DCHS1: variants seen among roughly 807,000 people sequenced by gnomAD.
DCHS1 encodes protocadherin-16.
A neutral mutation model predicts 213.9 loss-of-function variants in DCHS1; 78 were observed. The ratio of observed to expected loss-of-function variants is 0.36; its 90% CI spans 0.30 to 0.44. DCHS1 has a LOEUF of 0.44. Ranked by LOEUF, DCHS1 falls within the 20% of genes least tolerant of loss-of-function variation. The pLI, the probability that DCHS1 is intolerant of heterozygous loss-of-function variation, is 1.00. For missense variants in DCHS1, 3,946 were observed against 4,395.9 expected, an observed-to-expected ratio of 0.90 and a Z score of 2.89; for synonymous variants, 1,828 against 1,873.7, an observed-to-expected ratio of 0.98 and a Z score of 0.63.
rs1439497838 is a variant in DCHS1, at chr11:6,632,083, G to A, written c.3429C>T (p.Ser1143=). The part of the protein sequence containing the change: ...DSGPNGRLTY[S]LQQLSEDSKA... ...TGCTGTCTTCAGACAGCTGTTGCAG[G>A]CTGTAGGTCAGACGTCCATTGGGTC... is the stretch of plus-strand genomic sequence containing the variant. The change falls in exon 6 of 21, where the codon AGC becomes AGT. Residue 1143 remains serine (S), a synonymous_variant. Coordinates refer to ENST00000299441, the MANE Select transcript of DCHS1 (RefSeq NM_003737.4). This position sits in a 1 kb window ranked among gnomAD's most constrained non-coding sequence, Gnocchi z 5.9. The A allele has an allele frequency of 2.6e-6, 4 of 1,538,116 alleles. No individual in the cohort carries two copies. The African/African-American group carries it at 4.1e-5, about 16-fold the overall frequency.
Position 6,627,775 on chromosome 11 carries a change from T to G in DCHS1, c.5372-108A>C. 2 of 1,220,458 alleles carry G rather than the reference T, an allele frequency of 1.6e-6. No homozygotes were observed. The highest frequency in any genetic ancestry group is 1.6e-5 in the South Asian group (1 of 62,672). The allele number at this position is 1,220,458 out of a possible 1,614,324, so 75.6% of individuals were successfully genotyped here. On this transcript the variant is annotated intron_variant, in intron 13 of 20. Transcript: ENST00000299441. The surrounding 1 kb of genome is among the most constrained non-coding windows in gnomAD (Gnocchi z 5.4). Reference sequence around the variant, plus strand: ...TGTGCACAAAAGCAAGTGAACCTTATGAGAGAAAGGAAGAAAAACAGAAAC... The same window carrying G: ...TGTGCACAAAAGCAAGTGAACCTTAGGAGAGAAAGGAAGAAAAACAGAAAC...
intron 2 of DCHS1, 114 bp from the exon 3 acceptor site, chr11:6,634,420 G>A (rs1309245534): frequency 2.3e-5 from 29 of 1,247,034 alleles, no homozygotes; most frequent in Non-Finnish European, 3.0e-5. Flanking sequence ...GACACACAGA[G>A]AGGACTAGTA....
Position 6,624,346 on chromosome 11 carries a change from C to T in DCHS1, c.7330G>A (p.Gly2444Arg), listed in dbSNP as rs750612557. 3 of 1,579,194 alleles carry T rather than the reference C, an allele frequency of 1.9e-6. No homozygotes were observed. Among genetic ancestry groups the T allele is most frequent in the East Asian group, 2.3e-5 (1 of 42,986 alleles). Residue 2444 changes from glycine (G) to arginine (R), a missense_variant, in exon 21 of 21, where the codon GGG (glycine) becomes AGG (arginine). Physicochemically the swap from Gly to Arg is moderately radical, Grantham distance 125. Around this residue, in one of 3 missense-constraint regions of DCHS1, gnomAD observed 3,384 missense variants for 3,780.1 expected, o/e 0.90. Coordinates refer to ENST00000299441, the MANE Select transcript of DCHS1 (RefSeq NM_003737.4). Reference protein sequence around the residue: ...IVGTVALGHDGSGAVDVVLEA... With the variant: ...IVGTVALGHDRSGAVDVVLEA... Reference sequence around the variant, plus strand: ...AGCACCACATCCACTGCTCCTGACCCGTCATGGCCCAAGGCCACTGTTCCC... The same window carrying T: ...AGCACCACATCCACTGCTCCTGACCTGTCATGGCCCAAGGCCACTGTTCCC...
At position 6,631,628 on chromosome 11, in the gene DCHS1, G is replaced by C. The variant is rs751966019; in HGVS notation, c.3663C>G (p.Gly1221=). The C allele has an allele frequency of 8.9e-6, 14 of 1,577,178 alleles. No individual in the cohort carries two copies. The highest frequency in any genetic ancestry group is 2.7e-5 in the African/African-American group (2 of 74,038). The change falls in exon 7 of 21, where the codon GGC becomes GGG. Residue 1221 remains glycine (G), a synonymous_variant. Transcript: ENST00000299441. The part of the protein sequence containing the change: ...FLQASGAAGG[G]LPIQVPDRVP... ...CCACTTCACATACCTGTATAGGGAG[G>C]CCCCCACCAGCAGCTCCTGAAGCCT...
chr11:6,626,697 G>A lies in DCHS1; in HGVS notation c.6251-32C>T, dbSNP rs1855809976. ...AAAGAACGGTATTGTTGGACTGTGAGCGCGAGACTGGGAGAGTTTGGGGGA... is the reference window on the plus strand; with the variant it reads ...AAAGAACGGTATTGTTGGACTGTGAACGCGAGACTGGGAGAGTTTGGGGGA... On this transcript the variant is annotated intron_variant, in intron 14 of 20. Transcript: ENST00000299441. The surrounding 1 kb of genome is among the most constrained non-coding windows in gnomAD (Gnocchi z 5.2). The A allele has an allele frequency of 6.2e-7, 1 of 1,612,606 alleles. No individual in the cohort carries two copies. Among genetic ancestry groups the A allele is most frequent in the African/African-American group, 1.3e-5 (1 of 74,920 alleles).
chr11:6,624,485 G>T, intron 20 of DCHS1, 95 bp from the exon 21 acceptor site: 1 of 1,401,122 alleles, frequency 7.1e-7, no homozygotes, highest in Non-Finnish European at 9.5e-7. Context: ...GGTTTTGGAA[G>T]TCAGACTCAG....
chr11:6,633,989 A>G lies in DCHS1; in HGVS notation c.2018T>C (p.Val673Ala). The G allele has an allele frequency of 6.2e-7, 1 of 1,613,970 alleles. No homozygotes were observed. Among genetic ancestry groups the G allele is most frequent in the Non-Finnish European group, 8.5e-7 (1 of 1,179,876 alleles). ...GTTGTCATTCTCGTCTGACAGAAAC[A>G]CCTTCACATATACCATGGACTTGAG... Reference protein sequence around the residue: ...GGLKSMVYVKVFLSDENDNPP... With the variant: ...GGLKSMVYVKAFLSDENDNPP... The change falls in exon 4 of 21, where the codon GTG becomes GCG. Residue 673 changes from valine (V) to alanine (A), a missense_variant. Physicochemically the swap from Val to Ala is moderately conservative, Grantham distance 64. Coordinates refer to ENST00000299441, the MANE Select transcript of DCHS1 (RefSeq NM_003737.4).
chr11:6,633,759 G>GT (rs1564866221), intron 4 of DCHS1, 30 bp downstream of exon 4: 2 of 1,605,756 alleles, frequency 1.2e-6, no homozygotes, highest in Non-Finnish European at 1.7e-6. Context: ...GGGACCTGGG[G>GT]GAAGGCCCCG....
In DCHS1 at chr11:6,628,652, T is replaced by TCCC; in HGVS notation, c.5337_5339dup (p.Gly1780dup). On this transcript the variant is annotated inframe_insertion, in exon 13 of 21. Transcript: ENST00000299441. The surrounding 1 kb of genome is among the most constrained non-coding windows in gnomAD (Gnocchi z 4.3). ...TGCGGTACTGCAACTGCCCATTGGC[T>TCCC]CCCACATCTGGATCAGAGGCCCGAA... The TCCC allele has an allele frequency of 1.2e-6, 2 of 1,614,020 alleles. No individual in the cohort carries two copies. The highest frequency in any genetic ancestry group is 2.2e-5 in the South Asian group (2 of 91,082).
chr11:6,623,110 A>T lies in DCHS1; in HGVS notation c.8566T>A (p.Ser2856Thr), dbSNP rs1263277173. 7.5e-6 allele frequency: 12 copies of T among 1,604,918 alleles called. No homozygotes were observed. Among genetic ancestry groups the T allele is most frequent in the African/African-American group, 1.3e-5 (1 of 74,752 alleles). Reference sequence around the variant, plus strand: ...GTCTGGTTAATACCAAAATAGGGGGAAGAGGTGGCAAGGGAATACAGAACC... The same window carrying T: ...GTCTGGTTAATACCAAAATAGGGGGTAGAGGTGGCAAGGGAATACAGAACC... ...GLVLYSLATS[S>T]PYFGINQTTG... Residue 2856 changes from serine (S) to threonine (T), a missense_variant, in exon 21 of 21, where the codon TCC (serine) becomes ACC (threonine). Physicochemically the swap from Ser to Thr is moderately conservative, Grantham distance 58 (BLOSUM62 1). Coordinates refer to ENST00000299441, the MANE Select transcript of DCHS1 (RefSeq NM_003737.4).
intron 1 of DCHS1, among the ~76,000 whole-genome samples, chr11:6,650,861 A>G (rs1228413056): frequency 6.6e-6 from 1 of 152,184 alleles, no homozygotes; most frequent in Admixed American, 6.5e-5. Flanking sequence ...AAGTACAGAT[A>G]AGGGAGAGGA....
rs1564863403 is a variant in DCHS1 at position 6,630,044 on chromosome 11, G to T, written c.4750C>A (p.Leu1584Met). The T allele has an allele frequency of 6.4e-7, 1 of 1,559,748 alleles. No homozygotes were observed. Residue 1584 changes from leucine to methionine, a missense_variant, in exon 10 of 21, where the codon CTG (leucine) becomes ATG (methionine). Around this residue, in one of 3 missense-constraint regions of DCHS1, gnomAD observed 3,384 missense variants for 3,780.1 expected, o/e 0.90. Transcript: ENST00000299441. ...AAGTGGCCGTCCCCGCCAGATGCCAGCCGATAGGACACGCGTGCAGCCTCG... is the reference window on the plus strand; with the variant it reads ...AAGTGGCCGTCCCCGCCAGATGCCATCCGATAGGACACGCGTGCAGCCTCG... ...LGEAARVSYR[L>M]ASGGDGHFRL...
chr11:6,624,723 G>A lies in DCHS1; in HGVS notation c.7285+7C>T, dbSNP rs769792980. On this transcript the variant is annotated splice_region_variant and intron_variant, in intron 20 of 20. Transcript: ENST00000299441. ...AAGGCAAGGGGCAGATCCTGGGAAA[G>A]ACGCACCATTGTTGGGGTCAACACT... is the stretch of plus-strand genomic sequence containing the variant. 3 of 1,613,812 alleles carry A rather than the reference G, an allele frequency of 1.9e-6. No individual in the cohort carries two copies. In the East Asian group the frequency reaches 6.7e-5, roughly 36 times the overall value.
chr11:6,654,591 G>C lies in DCHS1; in HGVS notation c.-121+972C>G, dbSNP rs141419804. 8.8e-3 allele frequency among the ~76,000 whole-genome samples: 1,344 copies of C among 152,160 alleles called. 14 individuals are homozygous for C. Among genetic ancestry groups the C allele is most frequent in the African/African-American group, 0.03 (1,258 of 41,478 alleles). ...ATTTTCCGTAGGTGTGTGTTGGCTT[G>C]ATAGAGTCTGCTGTAGGTGTGTGTT... On this transcript the variant is annotated intron_variant, in intron 1 of 20. Coordinates refer to ENST00000299441, the MANE Select transcript of DCHS1 (RefSeq NM_003737.4).
chr11:6,634,057 A>C (rs1855953838), intron 3 of DCHS1, 37 bp from the exon 4 acceptor site: 1 of 1,607,608 alleles, frequency 6.2e-7, no homozygotes, highest in East Asian at 2.2e-5. Context: ...GGTGGGCCTC[A>C]TCTGGCCCTG....
At chr11:6,651,180 C>T (rs1005004303) in intron 1 of DCHS1, among the ~76,000 whole-genome samples, 4 of 152,070 alleles carry the variant, frequency 2.6e-5, no homozygotes, top group South Asian at 4.2e-4. Context: ...ATGACAACAA[C>T]GAAACACAGA....
intron 1 of DCHS1, among the ~76,000 whole-genome samples, chr11:6,645,310 A>G (rs891024223): frequency 6.6e-6 from 1 of 152,208 alleles, no homozygotes; most frequent in East Asian, 1.9e-4. Flanking sequence ...GGATGAGAGT[A>G]CAAGGATGGT....
chr11:6,624,003 TCAAGCAACAC>T lies in DCHS1; in HGVS notation c.7663_7672del (p.Val2555AsnfsTer3). ...TGTCAGGCTTTCAAAGTCTAGAGGT[TCAAGCAACAC>T]CAGGCAGCCCAGTGCCCGGGGGCCT... On this transcript the variant is annotated frameshift_variant, in exon 21 of 21. Coordinates refer to ENST00000299441, the MANE Select transcript of DCHS1 (RefSeq NM_003737.4). LOFTEE classifies it high-confidence loss of function. 6.2e-7 allele frequency: 1 copy of T among 1,612,892 alleles called. No individual in the cohort carries two copies. The highest frequency in any genetic ancestry group is 8.5e-7 in the Non-Finnish European group (1 of 1,179,218).
Position 6,623,276 on chromosome 11 carries a change from C to T in DCHS1, c.8400G>A (p.Ser2800=), listed in dbSNP as rs1443858049. The T allele has an allele frequency of 2.1e-5, 33 of 1,588,874 alleles. No homozygotes were observed. The highest frequency in any genetic ancestry group is 1.6e-4 in the East Asian group (7 of 43,408). Residue 2800 remains serine, a synonymous_variant, in exon 21 of 21, where the codon TCG becomes TCA. Coordinates refer to ENST00000299441, the MANE Select transcript of DCHS1 (RefSeq NM_003737.4). ...AGNLSASVTV[S]VLVTGEDEYD... ...ACTCATCCTCTCCAGTCACTAGCAC[C>T]GACACAGTGACAGAGGCTGAGAGAT...
Sources: gnomAD v4.1 joint callset for allele counts (sites outside exome capture counted in the v4.1 genomes callset) on GRCh38, gnomAD v4.1.1 for gene constraint, gnomAD v4.1.1 regional missense constraint, Gnocchi (gnomAD v3.1) non-coding constraint, MANE v1.5 for transcripts, NCBI Gene and HGNC (gene_info 2026-07-23, HGNC 2026-07-21) for gene names.